The following FAT3 variants were observed in gnomAD, a reference collection of about 807,000 sequenced individuals.
The protein encoded by FAT3 is protocadherin Fat 3.
Under a neutral mutation model 310.2 loss-of-function variants are expected in FAT3, and 95 were observed. The observed-to-expected ratio is 0.31, with a 90% CI of 0.26 to 0.36. FAT3 has a LOEUF of 0.36. Among genes scored for constraint, FAT3 ranks in the 10% least tolerant of loss-of-function variants. The pLI is 1.00. For missense variants in FAT3, 5,408 were observed against 5,715.6 expected, an observed-to-expected ratio of 0.95 and a Z score of 1.74; for synonymous variants, 2,314 against 2,192.9, an observed-to-expected ratio of 1.06 and a Z score of -1.54.
At chr11:92,415,189 A>G (rs1278105595) in intron 2 of FAT3, among the ~76,000 whole-genome samples, 1 of 152,200 alleles carries the variant, frequency 6.6e-6, no homozygotes, top group Non-Finnish European at 1.5e-5. Context: ...GTGGATAGCC[A>G]TGGTGCTTGT....
intron 13 of FAT3, among the ~76,000 whole-genome samples, chr11:92,814,713 G>A (rs1476676377): frequency 2.0e-5 from 3 of 152,210 alleles, no homozygotes; most frequent in Non-Finnish European, 4.4e-5. Flanking sequence ...CTGTTGGAGT[G>A]TAGGGGACAA....
At chr11:92,552,639 A>G (rs1282133768) in intron 3 of FAT3, among the ~76,000 whole-genome samples, 1 of 152,196 alleles carries the variant, frequency 6.6e-6, no homozygotes, top group Non-Finnish European at 1.5e-5. Context: ...ATGGTCTGCT[A>G]TTTACAAGAT....
Position 92,644,595 on chromosome 11 carries a change from A to G in FAT3, c.3608-52789A>G, listed in dbSNP as rs546653049. Among the ~76,000 whole-genome samples, 3 of 152,234 alleles carry G rather than the reference A, an allele frequency of 2.0e-5. No individual in the cohort carries two copies. In the East Asian group the frequency reaches 5.8e-4, roughly 30 times the overall value. On this transcript the variant is annotated intron_variant, in intron 3 of 27. Transcript: ENST00000525166. ...GGAGATAGACTTTTATGAATTTTCT[A>G]TTATGAGTTCACGGACACATGTGAT... is the stretch of plus-strand genomic sequence containing the variant.
chr11:92,549,636 T>C (rs1387232725), intron 3 of FAT3, among the ~76,000 whole-genome samples: 1 of 152,202 alleles, frequency 6.6e-6, no homozygotes, highest in African/African-American at 2.4e-5. Context: ...ATACTTAGCA[T>C]TCATTATTTA....
At chr11:92,708,030 A>C (rs983758866) in intron 4 of FAT3, among the ~76,000 whole-genome samples, 1 of 152,186 alleles carries the variant, frequency 6.6e-6, no homozygotes, top group African/African-American at 2.4e-5. Context: ...TTTTGTGGCA[A>C]ATTGGGAGCT....
intron 19 of FAT3, among the ~76,000 whole-genome samples, chr11:92,851,886 A>G (rs1027846376): frequency 1.3e-5 from 2 of 152,220 alleles, no homozygotes; most frequent in Non-Finnish European, 2.9e-5. Context: ...TCTGAAGCCA[A>G]TGGAGCAGTG....
At chr11:92,530,988 T>C (rs1429576677) in intron 3 of FAT3, among the ~76,000 whole-genome samples, 2 of 152,204 alleles carry the variant, frequency 1.3e-5, no homozygotes, top group Non-Finnish European at 2.9e-5. Flanking sequence ...TGTTTTTTGT[T>C]CTTTGTTTCT....
intron 1 of FAT3, among the ~76,000 whole-genome samples, chr11:92,340,391 T>A (rs1948217976): frequency 6.6e-6 from 1 of 152,142 alleles, no homozygotes; most frequent in South Asian, 2.1e-4. Context: ...GCCCCTTAGT[T>A]GTTCTCTCAT....
intron 1 of FAT3, among the ~76,000 whole-genome samples, chr11:92,349,713 T>G (rs1218082223): frequency 6.6e-6 from 1 of 152,210 alleles, no homozygotes; most frequent in Non-Finnish European, 1.5e-5. Context: ...TTCCACTTAC[T>G]TAGCATATGC....
chr11:92,774,213 C>T, intron 7 of FAT3, 33 bp downstream of exon 7: 1 of 1,566,526 alleles, frequency 6.4e-7, no homozygotes, highest in Non-Finnish European at 8.7e-7. Context: ...AGCAGGAATG[C>T]TGAAAGAGCT....
intron 2 of FAT3, among the ~76,000 whole-genome samples, chr11:92,512,710 A>G (rs918182070): frequency 2.0e-5 from 3 of 151,150 alleles, no homozygotes; most frequent in Non-Finnish European, 2.9e-5. Context: ...ACTTAACATG[A>G]GTGACTCCAT....
At chr11:92,694,678 G>C (rs1257392590) in intron 3 of FAT3, among the ~76,000 whole-genome samples, 1 of 152,204 alleles carries the variant, frequency 6.6e-6, no homozygotes, top group Non-Finnish European at 1.5e-5. Flanking sequence ...TGATGATAGA[G>C]AGTCCCCAGG....
chr11:92,799,129 G>C lies in FAT3; in HGVS notation c.6116G>C (p.Gly2039Ala), dbSNP rs777587683. ...ACCTCAGGGGTCATTCAGACGACTGGAGTCCCCTTTGACCGTGAAGAACAA... is the reference window on the plus strand; with the variant it reads ...ACCTCAGGGGTCATTCAGACGACTGCAGTCCCCTTTGACCGTGAAGAACAA... The part of the protein sequence containing the change: ...KSTSGVIQTT[G>A]VPFDREEQEL... The change falls in exon 10 of 28, where the codon GGA becomes GCA. Residue 2039 changes from glycine (G) to alanine (A), a missense_variant. Physicochemically the swap from Gly to Ala is moderately conservative, Grantham distance 60 (BLOSUM62 0). Around this residue, in one of 5 missense-constraint regions of FAT3, gnomAD observed 4,588 missense variants for 4,809.8 expected, o/e 0.95. Coordinates refer to ENST00000525166, the MANE Select transcript of FAT3 (RefSeq NM_001367949.2). The C allele has an allele frequency of 6.2e-7, 1 of 1,613,946 alleles. No individual in the cohort carries two copies. The highest frequency in any genetic ancestry group is 8.5e-7 in the Non-Finnish European group (1 of 1,179,874).
intron 2 of FAT3, among the ~76,000 whole-genome samples, chr11:92,363,730 G>A (rs777687538): frequency 2.0e-4 from 31 of 152,156 alleles, no homozygotes; most frequent in Non-Finnish European, 3.5e-4. Flanking sequence ...TGAGACCTGA[G>A]CAAGCAAGGG....
At chr11:92,452,597 C>T (rs1591309551) in intron 2 of FAT3, among the ~76,000 whole-genome samples, 1 of 152,082 alleles carries the variant, frequency 6.6e-6, no homozygotes, top group African/African-American at 2.4e-5. Context: ...ACCACATACC[C>T]TATAGGGATG....
chr11:92,776,204 A>C (rs1946593713), intron 7 of FAT3, among the ~76,000 whole-genome samples: 1 of 152,222 alleles, frequency 6.6e-6, no homozygotes. Flanking sequence ...AATGGTATTC[A>C]GTGTGCCCAG....
At chr11:92,258,187 G>C (rs886343217) in intron 1 of FAT3, among the ~76,000 whole-genome samples, 1 of 152,146 alleles carries the variant, frequency 6.6e-6, no homozygotes, top group South Asian at 2.1e-4. Context: ...CCCAGCCTCT[G>C]TGATCCCAAA....
At chr11:92,882,207 T>C (rs1183828753) in intron 23 of FAT3, among the ~76,000 whole-genome samples, 3 of 152,298 alleles carry the variant, frequency 2.0e-5, no homozygotes, top group South Asian at 4.2e-4. Context: ...TCTCATTTAG[T>C]GTGAATATCC....
At chr11:92,653,187 T>A (rs1361524423) in intron 3 of FAT3, among the ~76,000 whole-genome samples, 1 of 150,372 alleles carries the variant, frequency 6.7e-6, no homozygotes, top group Non-Finnish European at 1.5e-5. Context: ...TTAAATCCCC[T>A]TCTCTGCTTG....
Sources: allele counts gnomAD v4.1 joint callset (sites outside exome capture counted in the v4.1 genomes callset), GRCh38; gene constraint gnomAD v4.1.1; regional missense constraint gnomAD v4.1.1; transcripts MANE v1.5; gene names NCBI Gene and HGNC (gene_info 2026-07-23, HGNC 2026-07-21).